The following PPP2R2A variants were observed in gnomAD, a reference collection of about 807,000 sequenced individuals.
The protein encoded by PPP2R2A is serine/threonine-protein phosphatase 2A 55 kDa regulatory subunit B alpha isoform.
PPP2R2A carries 9 observed loss-of-function variants against 53.2 expected under a neutral mutation model. The observed-to-expected ratio is 0.17, with a 90% CI of 0.10 to 0.30. The LOEUF is 0.30. Among genes scored for constraint, PPP2R2A ranks in the 10% least tolerant of loss-of-function variants. The probability of loss-of-function intolerance (pLI) is 1.00; values close to 1 mark genes in which losing one functional copy is unlikely to be tolerated. For missense variants in PPP2R2A, 235 were observed against 534.6 expected (o/e 0.44, Z 5.53); for synonymous variants, 169 against 174.2 (o/e 0.97, Z 0.23).
chr8:26,294,853 T>C (rs533734879), intron 2 of PPP2R2A, among the ~76,000 whole-genome samples: 1 of 152,314 alleles, frequency 6.6e-6, no homozygotes, highest in South Asian at 2.1e-4. Flanking sequence ...TGTCATATTT[T>C]GCAGAGCTCT....
At position 26,354,228 on chromosome 8, in the gene PPP2R2A, C is replaced by T. The variant is rs1044694769; in HGVS notation, c.181-240C>T. On this transcript the variant is annotated intron_variant, in intron 3 of 9. Coordinates refer to ENST00000380737, the MANE Select transcript of PPP2R2A (RefSeq NM_002717.4). The surrounding 1 kb of genome is among the most constrained non-coding windows in gnomAD (Gnocchi z 4.6). ...AGCAATCAAATTGATCCATATTTAACGTCATTATTTCCCTAATGAATTGAG... is the reference window on the plus strand; with the variant it reads ...AGCAATCAAATTGATCCATATTTAATGTCATTATTTCCCTAATGAATTGAG... Among the ~76,000 whole-genome samples the T allele has an allele frequency of 2.6e-5, 4 of 151,954 alleles. No individual in the cohort carries two copies. The highest frequency in any genetic ancestry group is 2.1e-4 in the South Asian group (1 of 4,818).
chr8:26,311,064 C>G (rs1214024972), intron 2 of PPP2R2A, among the ~76,000 whole-genome samples: 5 of 151,598 alleles, frequency 3.3e-5, no homozygotes, highest in Non-Finnish European at 4.4e-5. Context: ...CTTTTTTGTT[C>G]AAGCAAAGGA....
chr8:26,362,393 T>A lies in PPP2R2A; in HGVS notation c.638-291T>A, dbSNP rs55705565. Among the ~76,000 whole-genome samples, 5,947 of 151,696 alleles carry A rather than the reference T, an allele frequency of 0.039. 175 individuals are homozygous for A. The highest frequency in any genetic ancestry group is 0.12 in the South Asian group (584 of 4,786). Reference sequence around the variant, plus strand: ...AGTGGTGTGCGCCTGTAATCCCAGCTTTTCTGGAGACTGATGCAGTAGAAT... The same window carrying A: ...AGTGGTGTGCGCCTGTAATCCCAGCATTTCTGGAGACTGATGCAGTAGAAT... On this transcript the variant is annotated intron_variant, in intron 6 of 9. Transcript: ENST00000380737. This position sits in a 1 kb window ranked among gnomAD's most constrained non-coding sequence, Gnocchi z 4.4.
intron 2 of PPP2R2A, among the ~76,000 whole-genome samples, chr8:26,304,171 G>C (rs1801911388): frequency 6.7e-6 from 1 of 149,904 alleles, no homozygotes; most frequent in South Asian, 2.1e-4. Context: ...AGACTATTTA[G>C]GAGGGTATTT....
chr8:26,314,911 T>C (rs1464145013), intron 2 of PPP2R2A, among the ~76,000 whole-genome samples: 2 of 124,272 alleles, frequency 1.6e-5, no homozygotes, highest in Non-Finnish European at 3.3e-5. Flanking sequence ...CCCAACTATT[T>C]TCCATTTCCT....
At chr8:26,320,266 T>G (rs982326755) in intron 2 of PPP2R2A, among the ~76,000 whole-genome samples, 3 of 152,176 alleles carry the variant, frequency 2.0e-5, no homozygotes. Flanking sequence ...AAAAGCAGAA[T>G]CCTGGTTATT....
At chr8:26,336,334 T>A (rs924139755) in intron 2 of PPP2R2A, among the ~76,000 whole-genome samples, 1 of 152,012 alleles carries the variant, frequency 6.6e-6, no homozygotes, top group Non-Finnish European at 1.5e-5. Flanking sequence ...GGAGCTGATA[T>A]GGGAAGATTG....
At position 26,362,867 on chromosome 8, in the gene PPP2R2A, T is replaced by C. The variant is rs1396762036; in HGVS notation, c.802+19T>C. ...TCTAAATGTAAGTTTATTGTATCTT[T>C]CCTTAAAATGATTACATATTCTGTT... On this transcript the variant is annotated intron_variant, in intron 7 of 9. Coordinates refer to ENST00000380737, the MANE Select transcript of PPP2R2A (RefSeq NM_002717.4). The surrounding 1 kb of genome is among the most constrained non-coding windows in gnomAD (Gnocchi z 4.4). 6.2e-7 allele frequency: 1 copy of C among 1,602,740 alleles called. No homozygotes were observed. Among genetic ancestry groups the C allele is most frequent in the Non-Finnish European group, 8.5e-7 (1 of 1,171,640 alleles).
At chr8:26,346,004 C>G (rs1375898925) in intron 3 of PPP2R2A, among the ~76,000 whole-genome samples, 3 of 151,924 alleles carry the variant, frequency 2.0e-5, no homozygotes, top group South Asian at 2.1e-4. Context: ...TTTAAACATT[C>G]TTTTGTTCCC....
Position 26,360,053 on chromosome 8 carries a change from G to GGT in PPP2R2A, c.347-116_347-115insGT. On this transcript the variant is annotated intron_variant, in intron 4 of 9. Coordinates refer to ENST00000380737, the MANE Select transcript of PPP2R2A (RefSeq NM_002717.4). The surrounding 1 kb of genome is among the most constrained non-coding windows in gnomAD (Gnocchi z 4.5). ...AATTTTTTAGTAAGTTCAGATTAGG[G>GGT]TTTTTTTTTTTTTCGTGGAATCCTT... is the stretch of plus-strand genomic sequence containing the variant. The GGT allele has an allele frequency of 2.3e-6, 1 of 428,124 alleles. No homozygotes were observed. The highest frequency in any genetic ancestry group is 3.7e-5 in the Admixed American group (1 of 26,772). The allele number at this position is 428,124 out of a possible 1,614,324, so 26.5% of individuals were successfully genotyped here. A position where few individuals can be genotyped will look rare whatever the true frequency, so the allele number is the denominator to read the frequency against.
chr8:26,334,091 T>C (rs1803527767), intron 2 of PPP2R2A, among the ~76,000 whole-genome samples: 1 of 152,188 alleles, frequency 6.6e-6, no homozygotes, highest in Admixed American at 6.5e-5. Context: ...GTATCTAAAA[T>C]TGCTGGGTTG....
intron 2 of PPP2R2A, among the ~76,000 whole-genome samples, chr8:26,327,187 G>C (rs978177769): frequency 6.6e-6 from 1 of 152,182 alleles, no homozygotes; most frequent in Non-Finnish European, 1.5e-5. Context: ...TCTCTTTAGA[G>C]TATGTTACAT....
chr8:26,345,427 G>A (rs1043870170), intron 3 of PPP2R2A, among the ~76,000 whole-genome samples: 2 of 152,186 alleles, frequency 1.3e-5, no homozygotes, highest in African/African-American at 4.8e-5. Flanking sequence ...AAGAATGCAT[G>A]TATAACCCCA....
chr8:26,349,486 C>A (rs1220287438), intron 3 of PPP2R2A, among the ~76,000 whole-genome samples: 1 of 152,064 alleles, frequency 6.6e-6, no homozygotes, highest in African/African-American at 2.4e-5. Flanking sequence ...ATTTTCAGTT[C>A]TTTGGGATAA....
intron 2 of PPP2R2A, among the ~76,000 whole-genome samples, chr8:26,306,719 C>A (rs866674211): frequency 6.6e-6 from 1 of 152,020 alleles, no homozygotes; most frequent in Non-Finnish European, 1.5e-5. Context: ...TGATGCATGC[C>A]TGTAGTCCCA....
intron 1 of PPP2R2A, 94 bp downstream of exon 1, chr8:26,291,920 G>A: frequency 3.1e-6 from 4 of 1,276,992 alleles, no homozygotes; most frequent in Non-Finnish European, 4.2e-6. Flanking sequence ...CTCGCGCAGA[G>A]CCACAGGGCG....
At chr8:26,328,123 T>G (rs1026664007) in intron 2 of PPP2R2A, among the ~76,000 whole-genome samples, 1 of 152,164 alleles carries the variant, frequency 6.6e-6, no homozygotes, top group Non-Finnish European at 1.5e-5. Context: ...CATATACAGT[T>G]TCTTAACTTT....
rs1803308124 is a variant in PPP2R2A at position 26,330,348 on chromosome 8, C to T, written c.83-8542C>T. ...TTTTTGAGACACAGTCTGGCTCTGT[C>T]GCCCAGGCTGGAGTGCAATGGCACC... On this transcript the variant is annotated intron_variant, in intron 2 of 9. Coordinates refer to ENST00000380737, the MANE Select transcript of PPP2R2A (RefSeq NM_002717.4). Among the ~76,000 whole-genome samples, 4 of 139,700 alleles carry T rather than the reference C, an allele frequency of 2.9e-5. No individual in the cohort carries two copies. The South Asian group carries it at 6.7e-4, about 23-fold the overall frequency. The allele number at this position is 139,700 out of a possible 152,430, so 91.6% of individuals were successfully genotyped here. A position where few individuals can be genotyped will look rare whatever the true frequency, so the allele number is the denominator to read the frequency against.
At chr8:26,317,085 C>T (rs1802599197) in intron 2 of PPP2R2A, among the ~76,000 whole-genome samples, 1 of 152,196 alleles carries the variant, frequency 6.6e-6, no homozygotes, top group Non-Finnish European at 1.5e-5. Context: ...AGTAGTACAA[C>T]ATTTGTATCG....
Sources: allele counts gnomAD v4.1 joint callset (sites outside exome capture counted in the v4.1 genomes callset), GRCh38; gene constraint gnomAD v4.1.1; non-coding constraint Gnocchi (gnomAD v3.1); transcripts MANE v1.5; gene names NCBI Gene and HGNC (gene_info 2026-07-23, HGNC 2026-07-21).